Variants in NTM observed in about 807,000 individuals in gnomAD.
NTM encodes the protein IgLON family member 2.
NTM carries 13 observed loss-of-function variants against 42.1 expected under a neutral mutation model. The observed-to-expected ratio is 0.31, with a 90% CI of 0.20 to 0.49. The LOEUF (loss-of-function observed/expected upper bound fraction) is 0.49. Among genes scored for constraint, NTM ranks in the 20% least tolerant of loss-of-function variants. The pLI, the probability that NTM is intolerant of heterozygous loss-of-function variation, is 0.99. For missense variants in NTM, 373 were observed against 452.8 expected (o/e 0.82, Z 1.60); for synonymous variants, 187 against 179.2 (o/e 1.04, Z -0.35).
At chr11:131,392,585 T>A (rs753002644) in intron 1 of NTM, among the ~76,000 whole-genome samples, 1 of 152,174 alleles carries the variant, frequency 6.6e-6, no homozygotes, top group Non-Finnish European at 1.5e-5. Context: ...AGGATGTGTT[T>A]TATAAGCTTC....
At chr11:131,602,603 A>G (rs1414553407) in intron 1 of NTM, among the ~76,000 whole-genome samples, 1 of 152,190 alleles carries the variant, frequency 6.6e-6, no homozygotes, top group East Asian at 1.9e-4. Flanking sequence ...GATCTCATTT[A>G]AATGGCATCT....
chr11:131,535,857 T>G (rs895458310), intron 1 of NTM: 1 of 152,084 alleles, frequency 6.6e-6, no homozygotes, highest in African/African-American at 2.4e-5. Flanking sequence ...GTTGAACGAG[T>G]GCTTATAGAA....
chr11:131,453,258 A>G (rs1404814905), intron 1 of NTM, among the ~76,000 whole-genome samples: 1 of 152,164 alleles, frequency 6.6e-6, no homozygotes, highest in African/African-American at 2.4e-5. Context: ...GACATAGGAG[A>G]AGAAGAAAGA....
In NTM at chr11:131,888,984, T is replaced by C. The variant is rs189349622; in HGVS notation, c.83-22580T>C. On this transcript the variant is annotated intron_variant, in intron 1 of 8. Coordinates refer to ENST00000683400, the MANE Select transcript of NTM (RefSeq NM_001352005.2). ...ACCTTCGGTGCAGCCTCTCTTTTCA[T>C]TGAGCTGCAGCAGCATTGAGTGCTA... 3.7e-4 allele frequency among the ~76,000 whole-genome samples: 57 copies of C among 152,186 alleles called. No homozygotes were observed. In the East Asian group the frequency reaches 9.9e-3, roughly 26 times the overall value.
At chr11:131,697,690 T>C (rs1207195411) in intron 1 of NTM, among the ~76,000 whole-genome samples, 1 of 152,250 alleles carries the variant, frequency 6.6e-6, no homozygotes, top group Non-Finnish European at 1.5e-5. Context: ...ACTAGGAATG[T>C]ACTTTTCAAT....
intron 2 of NTM, among the ~76,000 whole-genome samples, chr11:132,031,535 A>G (rs1412272980): frequency 6.6e-6 from 1 of 152,134 alleles, no homozygotes; most frequent in African/African-American, 2.4e-5. Context: ...TTGGTATGAG[A>G]TAAAGAGATG....
At chr11:131,738,658 A>G (rs2080797746) in intron 1 of NTM, among the ~76,000 whole-genome samples, 1 of 152,210 alleles carries the variant, frequency 6.6e-6, no homozygotes, top group African/African-American at 2.4e-5. Flanking sequence ...TTTGTTGGGT[A>G]TAATTAGACA....
At chr11:132,092,571 C>A (rs1298124459) in intron 2 of NTM, among the ~76,000 whole-genome samples, 1 of 152,156 alleles carries the variant, frequency 6.6e-6, no homozygotes, top group Non-Finnish European at 1.5e-5. Flanking sequence ...GTATTGGTGT[C>A]CCCCAGGCGT....
intron 1 of NTM, among the ~76,000 whole-genome samples, chr11:131,715,483 C>G (rs561449654): frequency 6.6e-6 from 1 of 152,156 alleles, no homozygotes. Context: ...TGAGGTATAA[C>G]TGATATATAA....
chr11:131,826,600 C>T (rs900166427), intron 1 of NTM, among the ~76,000 whole-genome samples: 9 of 148,274 alleles, frequency 6.1e-5, no homozygotes, highest in Non-Finnish European at 1.0e-4. Flanking sequence ...TTCTAAATGG[C>T]GCAGTGGAAG....
intron 4 of NTM, among the ~76,000 whole-genome samples, chr11:132,228,921 G>C (rs576642316): frequency 1.2e-3 from 185 of 152,286 alleles, no homozygotes; most frequent in Non-Finnish European, 2.1e-3. Flanking sequence ...TTGTCATGCG[G>C]AGAGCAGGAA....
At chr11:131,943,645 C>A (rs1250732621) in intron 2 of NTM, among the ~76,000 whole-genome samples, 1 of 152,302 alleles carries the variant, frequency 6.6e-6, no homozygotes, top group Middle Eastern at 3.4e-3. Flanking sequence ...CTCAGTTCCA[C>A]CTATCACTTT....
intron 2 of NTM, among the ~76,000 whole-genome samples, chr11:132,107,341 T>TC (rs1448454938): frequency 0.12 from 13,335 of 111,590 alleles, 977 homozygotes; most frequent in Middle Eastern, 0.15. Flanking sequence ...GATTTATCCT[T>TC]TTTTTTTTTT....
chr11:131,655,392 T>C (rs188701372), intron 1 of NTM, among the ~76,000 whole-genome samples: 2 of 152,322 alleles, frequency 1.3e-5, no homozygotes, highest in East Asian at 1.9e-4. Context: ...TGCTAATTAG[T>C]AGCATTTAAT....
At chr11:131,408,355 C>G (rs1256024937) in intron 1 of NTM, among the ~76,000 whole-genome samples, 5 of 152,148 alleles carry the variant, frequency 3.3e-5, no homozygotes, top group Non-Finnish European at 5.9e-5. Context: ...GCTGTGAAAT[C>G]CTTGGACTTT....
At chr11:131,628,669 CT>C (rs2063356803) in intron 1 of NTM, among the ~76,000 whole-genome samples, 1 of 152,242 alleles carries the variant, frequency 6.6e-6, no homozygotes, top group Non-Finnish European at 1.5e-5. Flanking sequence ...CTGCCTGCCC[CT>C]GAGCCTTCTT....
rs553918166 is a variant in NTM at position 131,846,554 on chromosome 11, A to G, written c.83-65010A>G. Among the ~76,000 whole-genome samples, 72 of 152,300 alleles carry G rather than the reference A, an allele frequency of 4.7e-4. 1 individual carries two copies. In the South Asian group the frequency reaches 0.014, roughly 30 times the overall value. ...GTTTAACAGTTAATATTTTATTAAT[A>G]TCTCTTTCCAAATATTTTAAAATTA... On this transcript the variant is annotated intron_variant, in intron 1 of 8. Transcript: ENST00000683400.
At chr11:132,316,828 T>C (rs1004262250) in intron 7 of NTM, among the ~76,000 whole-genome samples, 1 of 152,196 alleles carries the variant, frequency 6.6e-6, no homozygotes, top group Non-Finnish European at 1.5e-5. Context: ...TCACCATCAA[T>C]GAGGTCTTTT....
intron 1 of NTM, among the ~76,000 whole-genome samples, chr11:131,762,435 T>C (rs1189837074): frequency 6.6e-6 from 1 of 152,190 alleles, no homozygotes; most frequent in Non-Finnish European, 1.5e-5. Context: ...TACATGTTCT[T>C]CATCCCCGTA....
Sources: gnomAD v4.1 joint callset for allele counts (sites outside exome capture counted in the v4.1 genomes callset) on GRCh38, gnomAD v4.1.1 for gene constraint, MANE v1.5 for transcripts, NCBI Gene and HGNC (gene_info 2026-07-23, HGNC 2026-07-21) for gene names.